Variants in EPHA4 observed in about 807,000 individuals in gnomAD.
The protein encoded by EPHA4 is ephrin type-A receptor 4.
Under a neutral mutation model 108.3 loss-of-function variants are expected in EPHA4, and 19 were observed. The observed-to-expected ratio is 0.18, with a 90% CI of 0.12 to 0.26. The LOEUF is 0.26. Ranked by LOEUF, EPHA4 falls within the 10% of genes least tolerant of loss-of-function variation. EPHA4 has a pLI of 1.00. For synonymous variants in EPHA4, 449 were observed against 455.5 expected (o/e 0.99, Z 0.18); for missense variants, 917 against 1,254.0 (o/e 0.73, Z 4.06).
intron 3 of EPHA4, among the ~76,000 whole-genome samples, chr2:221,554,384 T>G (rs1694247802): frequency 6.6e-6 from 1 of 152,266 alleles, no homozygotes; most frequent in Admixed American, 6.5e-5. Flanking sequence ...TAATTGAACT[T>G]CAAAAACATT....
chr2:221,420,973 A>G (rs1364022805), intron 17 of EPHA4, among the ~76,000 whole-genome samples: 1 of 152,164 alleles, frequency 6.6e-6, no homozygotes, highest in Admixed American at 6.5e-5. Context: ...TCAGTTCACA[A>G]TCCACCCATA....
intron 3 of EPHA4, among the ~76,000 whole-genome samples, chr2:221,546,622 AAG>A (rs1411991838): frequency 5.3e-5 from 8 of 152,264 alleles, no homozygotes; most frequent in Admixed American, 3.3e-4. Context: ...CAAGGCTATA[AAG>A]AGAGATTTTT....
chr2:221,568,846 A>G, intron 1 of EPHA4, 61 bp from the exon 2 acceptor site: 2 of 1,446,944 alleles, frequency 1.4e-6, no homozygotes, highest in Non-Finnish European at 1.9e-6. Context: ...TAACACAAAA[A>G]CCATTTGCCT....
intron 3 of EPHA4, among the ~76,000 whole-genome samples, chr2:221,546,081 T>C (rs1277763137): frequency 6.6e-6 from 1 of 152,182 alleles, no homozygotes; most frequent in Non-Finnish European, 1.5e-5. Flanking sequence ...CACCTTAGAC[T>C]GTGAACTCTT....
At chr2:221,568,637 G>A in intron 2 of EPHA4, 81 bp downstream of exon 2, 1 of 1,144,504 alleles carries the variant, frequency 8.7e-7, no homozygotes, top group South Asian at 1.4e-5. Flanking sequence ...CAATCAACAA[G>A]AATCAAGCCA....
chr2:221,490,332 CAA>C (rs1398206882), intron 4 of EPHA4, among the ~76,000 whole-genome samples: 7 of 151,110 alleles, frequency 4.6e-5, no homozygotes, highest in Non-Finnish European at 1.0e-4. Flanking sequence ...ATAGAAAAAC[CAA>C]AGTCTCTGGT....
intron 3 of EPHA4, among the ~76,000 whole-genome samples, chr2:221,538,803 C>T (rs1693746763): frequency 6.6e-6 from 1 of 152,282 alleles, no homozygotes; most frequent in East Asian, 1.9e-4. Flanking sequence ...CAATGGGCTG[C>T]TTACAAATAA....
chr2:221,473,290 C>A (rs552437609), intron 5 of EPHA4, among the ~76,000 whole-genome samples: 1 of 152,012 alleles, frequency 6.6e-6, no homozygotes, highest in Non-Finnish European at 1.5e-5. Flanking sequence ...GACAGATAGA[C>A]CAAAGGTTTG....
In EPHA4 at chr2:221,510,550, G is replaced by A. The variant is rs564600382; in HGVS notation, c.824-9378C>T. Among the ~76,000 whole-genome samples, 4 of 152,272 alleles carry A rather than the reference G, an allele frequency of 2.6e-5. No homozygotes were observed. In the East Asian group the frequency reaches 5.8e-4, roughly 22 times the overall value. On this transcript the variant is annotated intron_variant, in intron 3 of 17. Transcript: ENST00000281821. The stretch of plus-strand genomic sequence containing the variant: ...GACAGAAAAAAACTATGCTGAAAAT[G>A]GATTTGCTCTTTCAAGAACAGAATG...
chr2:221,546,138 G>A (rs1326639812), intron 3 of EPHA4, among the ~76,000 whole-genome samples: 1 of 152,128 alleles, frequency 6.6e-6, no homozygotes, highest in African/African-American at 2.4e-5. Flanking sequence ...AGAATGTACT[G>A]GCATAGACAC....
rs535802792 is a variant in EPHA4 at position 221,516,056 on chromosome 2, C to T, written c.824-14884G>A. The stretch of plus-strand genomic sequence containing the variant: ...AAAAATTTTGGCAGATGGATGATCA[C>T]CTTCATGTTTTCCTCAAGGCTGTGT... On this transcript the variant is annotated intron_variant, in intron 3 of 17. Coordinates refer to ENST00000281821, the MANE Select transcript of EPHA4 (RefSeq NM_004438.5). 1.1e-4 allele frequency among the ~76,000 whole-genome samples: 17 copies of T among 151,866 alleles called. No individual in the cohort carries two copies. In the East Asian group the frequency reaches 1.9e-3, roughly 17 times the overall value.
chr2:221,536,065 C>T (rs1352637277), intron 3 of EPHA4, among the ~76,000 whole-genome samples: 2 of 152,188 alleles, frequency 1.3e-5, no homozygotes, highest in Non-Finnish European at 2.9e-5. Context: ...TACCAAGTTC[C>T]TATTCTTGGA....
At chr2:221,474,712 C>T (rs983924925) in intron 5 of EPHA4, among the ~76,000 whole-genome samples, 2 of 152,152 alleles carry the variant, frequency 1.3e-5, no homozygotes, top group Non-Finnish European at 1.5e-5. Flanking sequence ...TAAAATGAAT[C>T]TCTAGAAGGA....
chr2:221,552,827 C>G (rs1025391799), intron 3 of EPHA4, among the ~76,000 whole-genome samples: 1 of 152,056 alleles, frequency 6.6e-6, no homozygotes, highest in East Asian at 1.9e-4. Context: ...ATGTCTAAAG[C>G]CTGTGAATGC....
intron 3 of EPHA4, among the ~76,000 whole-genome samples, chr2:221,508,381 C>G (rs1387831350): frequency 6.6e-6 from 1 of 152,042 alleles, no homozygotes; most frequent in African/African-American, 2.4e-5. Flanking sequence ...AAGCTTGAGA[C>G]CAGCCTCTCC....
At chr2:221,539,439 T>C (rs191959651) in intron 3 of EPHA4, among the ~76,000 whole-genome samples, 3 of 152,188 alleles carry the variant, frequency 2.0e-5, no homozygotes, top group Admixed American at 2.0e-4. Flanking sequence ...ATCAAAATGC[T>C]GGTGGGAGTT....
At chr2:221,502,226 A>G (rs1339958314) in intron 3 of EPHA4, among the ~76,000 whole-genome samples, 1 of 152,118 alleles carries the variant, frequency 6.6e-6, no homozygotes, top group African/African-American at 2.4e-5. Context: ...ATGGCCTTTC[A>G]TGATCGCCTC....
intron 17 of EPHA4, among the ~76,000 whole-genome samples, chr2:221,421,702 C>T (rs1157837170): frequency 6.6e-6 from 1 of 152,156 alleles, no homozygotes; most frequent in Admixed American, 6.5e-5. Context: ...AACCAACTAT[C>T]CAGATTACTT....
intron 3 of EPHA4, among the ~76,000 whole-genome samples, chr2:221,518,861 T>C (rs1693069503): frequency 6.6e-6 from 1 of 152,090 alleles, no homozygotes; most frequent in South Asian, 2.1e-4. Flanking sequence ...GGAGGCAGAA[T>C]TGTAATGCTC....
Sources: allele counts gnomAD v4.1 joint callset (sites outside exome capture counted in the v4.1 genomes callset), GRCh38; gene constraint gnomAD v4.1.1; transcripts MANE v1.5; gene names NCBI Gene and HGNC (gene_info 2026-07-23, HGNC 2026-07-21).